HTR1F: variants seen among roughly 807,000 people sequenced by gnomAD.
HTR1F encodes the protein 5-hydroxytryptamine receptor 1F.
HTR1F carries 17 observed loss-of-function variants against 24.0 expected under a neutral mutation model. The ratio of observed to expected loss-of-function variants is 0.71; its 90% confidence interval spans 0.48 to 1.06. HTR1F has a LOEUF of 1.06. Among genes scored for constraint, HTR1F ranks in the 50% least tolerant of loss-of-function variants. The pLI is 0.00. For synonymous variants in HTR1F, 186 were observed against 156.8 expected, an observed-to-expected ratio of 1.19 and a Z score of -1.39; for missense variants, 391 against 427.8, an observed-to-expected ratio of 0.91 and a Z score of 0.76.
intron 2 of HTR1F, among the ~76,000 whole-genome samples, chr3:87,937,672 C>T (rs1704457978): frequency 6.6e-6 from 1 of 151,976 alleles, no homozygotes; most frequent in African/African-American, 2.4e-5. Flanking sequence ...GCCTGTAATC[C>T]CAGCACTTTG....
rs532906180 is a variant in HTR1F, at chr3:87,903,402, C to G, written c.-43+81278C>G. On this transcript the variant is annotated intron_variant, in intron 2 of 2. Transcript: ENST00000319595. ...CTGACAAAGGGCTAATATCCAGAAT[C>G]TACAATGAACTCAAACAAAGTTACA... Among the ~76,000 whole-genome samples the G allele has an allele frequency of 5.3e-4, 80 of 152,188 alleles. 1 individual carries two copies. The highest frequency in any genetic ancestry group is 1.8e-3 in the African/African-American group (74 of 41,518).
intron 1 of HTR1F, among the ~76,000 whole-genome samples, chr3:87,811,329 A>G (rs1559591162): frequency 6.6e-6 from 1 of 152,054 alleles, no homozygotes; most frequent in Non-Finnish European, 1.5e-5. Context: ...CTTCAATGTG[A>G]TAGTTCCTGG....
chr3:87,926,406 C>A, intron 2 of HTR1F, among the ~76,000 whole-genome samples: 1 of 152,128 alleles, frequency 6.6e-6, no homozygotes, highest in East Asian at 1.9e-4. Context: ...CCTATATGCT[C>A]CCATAGCATT....
intron 2 of HTR1F, among the ~76,000 whole-genome samples, chr3:87,832,864 C>T (rs1704611021): frequency 1.3e-5 from 2 of 152,144 alleles, no homozygotes; most frequent in Admixed American, 1.3e-4. Flanking sequence ...AATGAAAAGC[C>T]TCTGGATAGT....
chr3:87,950,952 T>C (rs879712586), intron 2 of HTR1F, among the ~76,000 whole-genome samples: 3 of 152,168 alleles, frequency 2.0e-5, no homozygotes, highest in African/African-American at 7.2e-5. Context: ...CAGATATAAA[T>C]GCATCTCCTC....
At chr3:87,811,352 T>C (rs1286558581) in intron 1 of HTR1F, among the ~76,000 whole-genome samples, 1 of 151,498 alleles carries the variant, frequency 6.6e-6, no homozygotes, top group Non-Finnish European at 1.5e-5. Flanking sequence ...AGACTGCACA[T>C]TGAAATTGCC....
intron 2 of HTR1F, among the ~76,000 whole-genome samples, chr3:87,843,858 C>A (rs1704871187): frequency 6.6e-6 from 1 of 151,736 alleles, no homozygotes; most frequent in South Asian, 2.1e-4. Flanking sequence ...GACATGAACG[C>A]ATCATTTTTT....
chr3:87,897,857 T>A (rs2107319393), intron 2 of HTR1F, among the ~76,000 whole-genome samples: 1 of 152,246 alleles, frequency 6.6e-6, no homozygotes, highest in Admixed American at 6.5e-5. Context: ...TTCTTATCTA[T>A]CTCCAACCAA....
At chr3:87,934,629 A>C (rs1162685241) in intron 2 of HTR1F, among the ~76,000 whole-genome samples, 3 of 151,800 alleles carry the variant, frequency 2.0e-5, no homozygotes, top group Non-Finnish European at 4.4e-5. Flanking sequence ...TTCATCTCTG[A>C]CTCCTTTGTT....
At chr3:87,829,677 G>A (rs1451145249) in intron 2 of HTR1F, among the ~76,000 whole-genome samples, 1 of 152,172 alleles carries the variant, frequency 6.6e-6, no homozygotes, top group Non-Finnish European at 1.5e-5. Context: ...TTTGGTTCAA[G>A]TGAACCAGCC....
At chr3:87,953,659 T>A (rs1301256571) in intron 2 of HTR1F, among the ~76,000 whole-genome samples, 1 of 151,772 alleles carries the variant, frequency 6.6e-6, no homozygotes, top group Admixed American at 6.6e-5. Flanking sequence ...GGAACTACTA[T>A]ATAAGCTAGC....
Position 87,808,212 on chromosome 3 carries a change from G to A in HTR1F, c.-159-13796G>A, listed in dbSNP as rs1704103835. On this transcript the variant is annotated intron_variant, in intron 1 of 2. Coordinates refer to ENST00000319595, the MANE Select transcript of HTR1F (RefSeq NM_001322209.2). ...AATTGGAGTTAGTTCTTCTTTGACA[G>A]TTTGATAGAATTTGGCAGTGAAACC... is the stretch of plus-strand genomic sequence containing the variant. Among the ~76,000 whole-genome samples, 3 of 151,812 alleles carry A rather than the reference G, an allele frequency of 2.0e-5. No homozygotes were observed. In the South Asian group the frequency reaches 6.2e-4, roughly 32 times the overall value.
intron 2 of HTR1F, among the ~76,000 whole-genome samples, chr3:87,967,229 C>T (rs1705183759): frequency 1.3e-5 from 2 of 152,128 alleles, no homozygotes; most frequent in African/African-American, 2.4e-5. Context: ...GTGGGCAGAT[C>T]ACTTGAGGTC....
Position 87,849,402 on chromosome 3 carries a change from C to G in HTR1F, c.-43+27278C>G, listed in dbSNP as rs557855757. Among the ~76,000 whole-genome samples the G allele has an allele frequency of 1.4e-3, 216 of 151,820 alleles. 3 individuals carry two copies. Among genetic ancestry groups the G allele is most frequent in the African/African-American group, 5.0e-3 (206 of 41,150 alleles). ...AATGGTGCTGGGAAAACTGGCTAGC[C>G]ATATGTAGAAAGCTGAAACTGGATC... is the stretch of plus-strand genomic sequence containing the variant. On this transcript the variant is annotated intron_variant, in intron 2 of 2. Coordinates refer to ENST00000319595, the MANE Select transcript of HTR1F (RefSeq NM_001322209.2).
chr3:87,919,624 A>T (rs910221441), intron 2 of HTR1F, among the ~76,000 whole-genome samples: 3 of 152,170 alleles, frequency 2.0e-5, no homozygotes, highest in African/African-American at 7.2e-5. Context: ...AAAAATGTTC[A>T]ACATCACTAA....
intron 1 of HTR1F, among the ~76,000 whole-genome samples, chr3:87,803,852 T>G (rs2107076029): frequency 6.6e-6 from 1 of 152,246 alleles, no homozygotes; most frequent in South Asian, 2.1e-4. Flanking sequence ...TTCAGATATT[T>G]TATTACACGT....
Position 87,901,560 on chromosome 3 carries a change from T to G in HTR1F, c.-43+79436T>G, listed in dbSNP as rs568095616. Among the ~76,000 whole-genome samples, 10 of 152,288 alleles carry G rather than the reference T, an allele frequency of 6.6e-5. No individual in the cohort carries two copies. The South Asian group carries it at 1.7e-3, about 25-fold the overall frequency. ...GATTTTCTAGACTTCTTAAGGGGCT[T>G]ACTTCCGGCTTCAAATTTCTATTAT... On this transcript the variant is annotated intron_variant, in intron 2 of 2. Coordinates refer to ENST00000319595, the MANE Select transcript of HTR1F (RefSeq NM_001322209.2).
At chr3:87,916,883 G>A (rs773006017) in intron 2 of HTR1F, among the ~76,000 whole-genome samples, 1 of 152,036 alleles carries the variant, frequency 6.6e-6, no homozygotes, top group African/African-American at 2.4e-5. Flanking sequence ...TATATGCAGA[G>A]CATTCCATCC....
At chr3:87,930,490 T>C (rs1183464800) in intron 2 of HTR1F, among the ~76,000 whole-genome samples, 2 of 152,164 alleles carry the variant, frequency 1.3e-5, no homozygotes. Context: ...GTTTTTAATG[T>C]GAAACGATGT....
Sources: gnomAD v4.1 joint callset for allele counts (sites outside exome capture counted in the v4.1 genomes callset) on GRCh38, gnomAD v4.1.1 for gene constraint, MANE v1.5 for transcripts, NCBI Gene and HGNC (gene_info 2026-07-23, HGNC 2026-07-21) for gene names.